UGT8: variants seen among roughly 807,000 people sequenced by gnomAD.
UGT8 encodes the protein 2-hydroxyacylsphingosine 1-beta-galactosyltransferase.
Under a neutral mutation model 40.5 loss-of-function variants are expected in UGT8, and 12 were observed. That is an observed-to-expected ratio of 0.30 (90% confidence interval 0.19 to 0.48). The LOEUF (loss-of-function observed/expected upper bound fraction) is 0.48, where lower values mean the gene tolerates loss of function less well. Ranked by LOEUF, UGT8 falls within the 20% of genes least tolerant of loss-of-function variation. The pLI, the probability that UGT8 is intolerant of heterozygous loss-of-function variation, is 0.99. For missense variants in UGT8, 513 were observed against 648.7 expected (o/e 0.79, Z 2.27); for synonymous variants, 224 against 240.4 (o/e 0.93, Z 0.63).
chr4:114,662,467 A>C (rs1328677633), intron 2 of UGT8, among the ~76,000 whole-genome samples: 1 of 152,216 alleles, frequency 6.6e-6, no homozygotes, highest in East Asian at 1.9e-4. Context: ...AAAAATCATA[A>C]GTCAAGGATT....
At chr4:114,633,833 A>G (rs1023954984) in intron 2 of UGT8, among the ~76,000 whole-genome samples, 1 of 151,970 alleles carries the variant, frequency 6.6e-6, no homozygotes, top group Admixed American at 6.6e-5. Flanking sequence ...AATCCCAGCT[A>G]CTCGGGAGAC....
intron 2 of UGT8, among the ~76,000 whole-genome samples, chr4:114,648,151 G>A (rs745463274): frequency 6.6e-6 from 1 of 151,952 alleles, no homozygotes; most frequent in Non-Finnish European, 1.5e-5. Context: ...TCTCTTCATT[G>A]TATAGGATAG....
chr4:114,666,007 C>T (rs1258589828), intron 4 of UGT8, among the ~76,000 whole-genome samples: 1 of 151,610 alleles, frequency 6.6e-6, no homozygotes, highest in Non-Finnish European at 1.5e-5. Context: ...TTTAGACCAG[C>T]CATCAATTTT....
chr4:114,653,210 C>T (rs1163503441), intron 2 of UGT8, among the ~76,000 whole-genome samples: 1 of 152,104 alleles, frequency 6.6e-6, no homozygotes, highest in Non-Finnish European at 1.5e-5. Flanking sequence ...GACTTCTCTT[C>T]CCTTGAACAT....
chr4:114,616,728 G>A lies in UGT8; in HGVS notation c.-2-6151G>A, dbSNP rs1011503690. On this transcript the variant is annotated intron_variant, in intron 1 of 5. Coordinates refer to ENST00000310836, the MANE Select transcript of UGT8 (RefSeq NM_001128174.3). ...CTGTAGGCTGGAGCTGTTCCTATTC[G>A]GCCATCTTGGCTCCCATGTATGGTA... 2.0e-5 allele frequency among the ~76,000 whole-genome samples: 3 copies of A among 151,980 alleles called. No individual in the cohort carries two copies. In the East Asian group the frequency reaches 5.8e-4, roughly 29 times the overall value.
intron 5 of UGT8, among the ~76,000 whole-genome samples, chr4:114,675,434 G>A (rs1219240209): frequency 6.6e-6 from 1 of 151,910 alleles, no homozygotes. Flanking sequence ...ACATTTTATT[G>A]GGTTAACATA....
chr4:114,658,551 ACT>A (rs1173275037), intron 2 of UGT8, among the ~76,000 whole-genome samples: 2 of 151,894 alleles, frequency 1.3e-5, no homozygotes, highest in Admixed American at 6.5e-5. Flanking sequence ...GGTCTAAAAG[ACT>A]CTGATGTCCT....
chr4:114,611,147 T>C (rs1341390745), intron 1 of UGT8, among the ~76,000 whole-genome samples: 10 of 152,026 alleles, frequency 6.6e-5, no homozygotes, highest in Non-Finnish European at 8.8e-5. Context: ...ATGTCAATCA[T>C]TGTTTTTGTA....
At chr4:114,672,506 G>A (rs930564208) in intron 5 of UGT8, among the ~76,000 whole-genome samples, 1 of 152,148 alleles carries the variant, frequency 6.6e-6, no homozygotes, top group African/African-American at 2.4e-5. Context: ...AAGAGGTAAC[G>A]TGCTTTCCAG....
In UGT8 at chr4:114,633,095, A is replaced by T. The variant is rs533201267; in HGVS notation, c.822+9393A>T. On this transcript the variant is annotated intron_variant, in intron 2 of 5. Coordinates refer to ENST00000310836, the MANE Select transcript of UGT8 (RefSeq NM_001128174.3). ...ACATGTATAACATTGAAAAGGTTTTACAAATCACAAAGAGATGGCCACACT... is the reference window on the plus strand; with the variant it reads ...ACATGTATAACATTGAAAAGGTTTTTCAAATCACAAAGAGATGGCCACACT... Among the ~76,000 whole-genome samples the T allele has an allele frequency of 6.6e-5, 10 of 152,302 alleles. 1 individual carries two copies. The South Asian group carries it at 2.1e-3, about 32-fold the overall frequency.
chr4:114,613,921 A>G (rs753339667), intron 1 of UGT8, among the ~76,000 whole-genome samples: 3 of 152,232 alleles, frequency 2.0e-5, no homozygotes, highest in Admixed American at 6.5e-5. Flanking sequence ...GTTAAATTTA[A>G]TCACCATCAT....
chr4:114,651,138 T>A (rs997392545), intron 2 of UGT8, among the ~76,000 whole-genome samples: 2 of 152,164 alleles, frequency 1.3e-5, no homozygotes, highest in African/African-American at 4.8e-5. Flanking sequence ...TTGAGACCTT[T>A]GCCAGCATAG....
chr4:114,652,492 T>C (rs1356883833), intron 2 of UGT8, among the ~76,000 whole-genome samples: 3 of 151,862 alleles, frequency 2.0e-5, no homozygotes, highest in African/African-American at 7.3e-5. Context: ...CTGGTTGGCA[T>C]TGGGAAGTGC....
At chr4:114,669,203 A>G (rs1193681163) in intron 5 of UGT8, among the ~76,000 whole-genome samples, 1 of 152,162 alleles carries the variant, frequency 6.6e-6, no homozygotes, top group Non-Finnish European at 1.5e-5. Flanking sequence ...TGCTGCCTTT[A>G]TGTGAGCTCA....
At position 114,623,540 on chromosome 4, in the gene UGT8, G is replaced by A. The variant is rs533936789; in HGVS notation, c.660G>A (p.Gln220=). The part of the protein sequence containing the change: ...LVLPKYERIM[Q]KYNLLPEKSM... ...TTCCCAAATATGAAAGGATAATGCA[G>A]AAGTACAACCTGCTGCCAGAGAAGT... The change falls in exon 2 of 6, where the codon CAG becomes CAA. Residue 220 remains glutamine (Q), a synonymous_variant. Transcript: ENST00000310836. 1.5e-5 allele frequency: 25 copies of A among 1,614,010 alleles called. No individual in the cohort carries two copies. Among genetic ancestry groups the A allele is most frequent in the Non-Finnish European group, 2.1e-5 (25 of 1,180,026 alleles).
chr4:114,631,835 G>A (rs1478750592), intron 2 of UGT8, among the ~76,000 whole-genome samples: 1 of 152,174 alleles, frequency 6.6e-6, no homozygotes, highest in African/African-American at 2.4e-5. Context: ...GTTATTTTCA[G>A]TGTAAATTGC....
intron 2 of UGT8, among the ~76,000 whole-genome samples, chr4:114,655,155 C>T (rs552044917): frequency 3.1e-4 from 47 of 150,106 alleles, no homozygotes; most frequent in Middle Eastern, 3.4e-3. Context: ...AAATAAAAAT[C>T]GATTATCTAG....
chr4:114,649,099 TTGG>T (rs1485266804), intron 2 of UGT8, among the ~76,000 whole-genome samples: 48 of 152,292 alleles, frequency 3.2e-4, no homozygotes, highest in African/African-American at 1.1e-3. Flanking sequence ...GGGGATAATA[TTGG>T]ATAGCATATT....
intron 5 of UGT8, among the ~76,000 whole-genome samples, chr4:114,675,179 C>T (rs1389429975): frequency 2.6e-5 from 4 of 152,056 alleles, no homozygotes; most frequent in African/African-American, 4.8e-5. Context: ...AATATTATTG[C>T]TTAAAAAGTG....
Sources: gnomAD v4.1 joint callset for allele counts (sites outside exome capture counted in the v4.1 genomes callset) on GRCh38, gnomAD v4.1.1 for gene constraint, MANE v1.5 for transcripts, NCBI Gene and HGNC (gene_info 2026-07-23, HGNC 2026-07-21) for gene names.